Variants in AMZ1 observed in about 807,000 individuals in gnomAD.
AMZ1 encodes the protein archaemetzincin-1.
Under a neutral mutation model 29.9 loss-of-function variants are expected in AMZ1, and 39 were observed. That is an observed-to-expected ratio of 1.30 (90% CI 1.01 to 1.70). AMZ1 has a LOEUF of 1.70. Ranked by LOEUF, AMZ1 falls within the 40% of genes most tolerant of loss-of-function variation. The pLI, the probability that AMZ1 is intolerant of heterozygous loss-of-function variation, is 0.00. For missense variants in AMZ1, 1,041 were observed against 680.6 expected (o/e 1.53, Z -5.89); for synonymous variants, 458 against 304.0 (o/e 1.51, Z -5.27).
rs967070668 is a variant in AMZ1, at chr7:2,716,854, A to G, written c.*3976A>G. Among the ~76,000 whole-genome samples, 1 of 152,200 alleles carries G rather than the reference A, an allele frequency of 6.6e-6. No individual in the cohort carries two copies. Among genetic ancestry groups the G allele is most frequent in the Non-Finnish European group, 1.5e-5 (1 of 68,042 alleles). Reference sequence around the variant, plus strand: ...AGGCAGATGGCTGCATCCCCACCATATGGCTGTGGCTGTCGAGATGGGACT... The same window carrying G: ...AGGCAGATGGCTGCATCCCCACCATGTGGCTGTGGCTGTCGAGATGGGACT... On this transcript the variant is annotated 3_prime_UTR_variant, in exon 7 of 7. Transcript: ENST00000683327.
chr7:2,731,616 C>T lies in AMZ1; in HGVS notation n.550+21800C>T, dbSNP rs371474667. The T allele has an allele frequency of 6.2e-7, 1 of 1,613,868 alleles. No individual in the cohort carries two copies. Among genetic ancestry groups the T allele is most frequent in the African/African-American group, 1.3e-5 (1 of 74,930 alleles). On this transcript the variant is annotated intron_variant and non_coding_transcript_variant, in intron 4 of 4. Transcript: ENST00000489665. This position sits in a 1 kb window ranked among gnomAD's most constrained non-coding sequence, Gnocchi z 6.0. ...TGATCCCGTCGAAGCACTGGAACCA[C>T]TTCTGGCGCTGGGACCGCTGGCCGC...
chr7:2,745,545 G>C (rs1790725058), intron 4 of AMZ1, among the ~76,000 whole-genome samples: 1 of 152,128 alleles, frequency 6.6e-6, no homozygotes, highest in Non-Finnish European at 1.5e-5. Context: ...GGAGCAACTG[G>C]TACCAGCCAC....
At chr7:2,722,274 AT>A (rs57939882), downstream of AMZ1, among the ~76,000 whole-genome samples, 39,926 of 145,178 alleles carry the variant, frequency 0.28, 5,342 homozygotes, top group Admixed American at 0.3. Context: ...GGCATTTCGA[AT>A]TTTTTTTTTT....
At chr7:2,701,208 G>T (rs1212552420) in intron 2 of AMZ1, among the ~76,000 whole-genome samples, 1 of 151,474 alleles carries the variant, frequency 6.6e-6, no homozygotes, top group Non-Finnish European at 1.5e-5. Context: ...TCCAGCCTGG[G>T]TGACGGAGTG....
At chr7:2,744,290 T>A (rs1484337381) in intron 4 of AMZ1, among the ~76,000 whole-genome samples, 1 of 152,150 alleles carries the variant, frequency 6.6e-6, no homozygotes, top group African/African-American at 2.4e-5. Context: ...GACTGACACC[T>A]CACACGGCCG....
In AMZ1 at chr7:2,706,087, C is replaced by T. The variant is rs548963153; in HGVS notation, c.473-2501C>T. Among the ~76,000 whole-genome samples, 24 of 152,314 alleles carry T rather than the reference C, an allele frequency of 1.6e-4. No individual in the cohort carries two copies. The East Asian group carries it at 3.7e-3, about 23-fold the overall frequency. On this transcript the variant is annotated intron_variant, in intron 3 of 6. Coordinates refer to ENST00000683327, the MANE Select transcript of AMZ1 (RefSeq NM_001384743.1). ...TTCAGAAGGTGCACGGGGGAGCCCTCGGGAAAAGGACATGCACTCGGGAAG... is the reference window on the plus strand; with the variant it reads ...TTCAGAAGGTGCACGGGGGAGCCCTTGGGAAAAGGACATGCACTCGGGAAG...
At chr7:2,710,392 T>G (rs1788695158) in intron 6 of AMZ1, among the ~76,000 whole-genome samples, 1 of 152,236 alleles carries the variant, frequency 6.6e-6, no homozygotes, top group Non-Finnish European at 1.5e-5. Context: ...GTAATTTTTC[T>G]TCAAACCCAG....
chr7:2,693,671 T>A (rs1787539673), intron 1 of AMZ1, among the ~76,000 whole-genome samples: 1 of 152,196 alleles, frequency 6.6e-6, no homozygotes, highest in African/African-American at 2.4e-5. Context: ...TTCTCCAGCC[T>A]CAGCCTCCAG....
At chr7:2,740,762 G>C (rs948318567) in intron 4 of AMZ1, among the ~76,000 whole-genome samples, 7 of 152,146 alleles carry the variant, frequency 4.6e-5, no homozygotes, top group Admixed American at 3.9e-4. Context: ...TACAGATTTA[G>C]GGCTCGCCGC....
At chr7:2,737,668 G>C (rs533813690) in intron 4 of AMZ1, among the ~76,000 whole-genome samples, 26 of 152,042 alleles carry the variant, frequency 1.7e-4, no homozygotes, top group Non-Finnish European at 3.1e-4. Flanking sequence ...CCGAAAACAG[G>C]GCTTGTTAAT....
In AMZ1 at chr7:2,719,280, A is replaced by G. The variant is rs1363423336; in HGVS notation, c.*6402A>G. On this transcript the variant is annotated 3_prime_UTR_variant, in exon 7 of 7. Transcript: ENST00000683327. ...TCTCCCGCCTGCACCACTTGGAGGC[A>G]GTTGTTTCACGTGGGGCTCTTGATG... 6.6e-6 allele frequency among the ~76,000 whole-genome samples: 1 copy of G among 152,220 alleles called. No individual in the cohort carries two copies. Among genetic ancestry groups the G allele is most frequent in the Non-Finnish European group, 1.5e-5 (1 of 68,026 alleles).
chr7:2,722,304 G>A (rs557378376), downstream of AMZ1, among the ~76,000 whole-genome samples: 6 of 150,116 alleles, frequency 4.0e-5, no homozygotes, highest in Non-Finnish European at 8.9e-5. Flanking sequence ...ACAGACTCTC[G>A]CTCTCTCGCC....
In AMZ1 at chr7:2,700,242, G is replaced by A. The variant is rs924389004; in HGVS notation, c.-210G>A. 1 of 605,302 alleles carries A rather than the reference G, an allele frequency of 1.7e-6. No homozygotes were observed. Among genetic ancestry groups the A allele is most frequent in the Non-Finnish European group, 2.9e-6 (1 of 345,694 alleles). The allele number at this position is 605,302 out of a possible 1,614,324, so 37.5% of individuals were successfully genotyped here. On this transcript the variant is annotated 5_prime_UTR_variant, in exon 2 of 7. Transcript: ENST00000683327. ...GTTCGTGTCATCCACAGGGTGCTGT[G>A]GGCCCAGAAGCGCCCATGCCTGAGA...
chr7:2,717,514 C>G lies in AMZ1; in HGVS notation c.*4636C>G, dbSNP rs1789200635. Among the ~76,000 whole-genome samples, 1 of 152,252 alleles carries G rather than the reference C, an allele frequency of 6.6e-6. No individual in the cohort carries two copies. The highest frequency in any genetic ancestry group is 1.5e-5 in the Non-Finnish European group (1 of 68,050). ...ACGCAGGCTGCTCCAGAGCTGAAAT[C>G]TAGCTGTGATCCCTGTGGGGCAACT... is the stretch of plus-strand genomic sequence containing the variant. On this transcript the variant is annotated 3_prime_UTR_variant, in exon 7 of 7. Coordinates refer to ENST00000683327, the MANE Select transcript of AMZ1 (RefSeq NM_001384743.1).
intron 4 of AMZ1, among the ~76,000 whole-genome samples, chr7:2,726,007 AC>A (rs1789601547): frequency 6.6e-6 from 1 of 152,158 alleles, no homozygotes; most frequent in Non-Finnish European, 1.5e-5. Flanking sequence ...ATATTTCAGG[AC>A]CATCTCTCCC....
chr7:2,683,511 C>T (rs1786960622), upstream of AMZ1, among the ~76,000 whole-genome samples: 1 of 152,142 alleles, frequency 6.6e-6, no homozygotes, highest in Non-Finnish European at 1.5e-5. Context: ...GATCTCGGCT[C>T]ACTGCAAGCT....
intron 4 of AMZ1, among the ~76,000 whole-genome samples, chr7:2,746,469 A>G (rs1187057769): frequency 1.3e-5 from 2 of 152,232 alleles, no homozygotes; most frequent in Non-Finnish European, 2.9e-5. Flanking sequence ...TTTGAAACCA[A>G]CGAGAACAAA....
At chr7:2,705,418 T>A (rs1052190835) in intron 3 of AMZ1, among the ~76,000 whole-genome samples, 2 of 152,208 alleles carry the variant, frequency 1.3e-5, no homozygotes, top group Admixed American at 6.5e-5. Flanking sequence ...AAATTCATCC[T>A]TTTTAGTGTA....
intron 6 of AMZ1, among the ~76,000 whole-genome samples, chr7:2,711,038 C>T (rs749540269): frequency 6.6e-5 from 10 of 152,116 alleles, no homozygotes; most frequent in Non-Finnish European, 1.5e-4. Context: ...AAAGTGTATG[C>T]CCCTCCCTAC....
Sources: allele counts gnomAD v4.1 joint callset (sites outside exome capture counted in the v4.1 genomes callset), GRCh38; gene constraint gnomAD v4.1.1; non-coding constraint Gnocchi (gnomAD v3.1); transcripts MANE v1.5; gene names NCBI Gene and HGNC (gene_info 2026-07-23, HGNC 2026-07-21).